PRKG1: variants seen among roughly 807,000 people sequenced by gnomAD.
PRKG1 encodes cGMP-dependent protein kinase 1.
In PRKG1, 35 loss-of-function variants were observed where a neutral mutation model predicts 88.1. The observed-to-expected ratio is 0.40, with a 90% confidence interval of 0.30 to 0.53. The LOEUF (loss-of-function observed/expected upper bound fraction) is 0.53, where lower values mean the gene tolerates loss of function less well. PRKG1 is among the 20% of genes least tolerant of loss of function. PRKG1 has a pLI of 0.59. For synonymous variants in PRKG1, 303 were observed against 292.5 expected, an observed-to-expected ratio of 1.04 and a Z score of -0.37; for missense variants, 540 against 839.8, an observed-to-expected ratio of 0.64 and a Z score of 4.41.
chr10:52,115,691 C>T (rs768569443), intron 7 of PRKG1, among the ~76,000 whole-genome samples: 12 of 152,076 alleles, frequency 7.9e-5, no homozygotes, highest in Admixed American at 3.3e-4. Context: ...ACTCTGATCA[C>T]GCTGCATTAT....
intron 9 of PRKG1, among the ~76,000 whole-genome samples, chr10:52,202,861 A>T (rs1839713150): frequency 6.6e-6 from 1 of 152,102 alleles, no homozygotes; most frequent in African/African-American, 2.4e-5. Context: ...TTGTGGAGTC[A>T]GTGGCATTGT....
Position 51,283,928 on chromosome 10 carries a change from A to C in PRKG1, c.478+130598A>C, listed in dbSNP as rs373464161. 7.9e-5 allele frequency among the ~76,000 whole-genome samples: 12 copies of C among 152,290 alleles called. No individual in the cohort carries two copies. The East Asian group carries it at 2.3e-3, about 29-fold the overall frequency. ...TCTAACTGATTTTAAGTAGTCAATA[A>C]AGAAGTGAATTCTTGCTTCTAATCA... On this transcript the variant is annotated intron_variant, in intron 2 of 17. Transcript: ENST00000373980.
intron 7 of PRKG1, among the ~76,000 whole-genome samples, chr10:52,114,893 A>G (rs1847651354): frequency 6.6e-6 from 1 of 152,064 alleles, no homozygotes; most frequent in African/African-American, 2.4e-5. Flanking sequence ...ATTGTAAAGG[A>G]AATAGGAAGC....
At chr10:52,245,459 T>A (rs949815310) in intron 9 of PRKG1, among the ~76,000 whole-genome samples, 8 of 152,138 alleles carry the variant, frequency 5.3e-5, no homozygotes, top group Non-Finnish European at 1.2e-4. Context: ...GGAACACAAG[T>A]GATGAGCTTT....
At chr10:51,465,902 G>A (rs1217800761) in intron 2 of PRKG1, among the ~76,000 whole-genome samples, 1 of 152,116 alleles carries the variant, frequency 6.6e-6, no homozygotes, top group Non-Finnish European at 1.5e-5. Context: ...CTATGTGCAG[G>A]GCACTGTGTT....
At chr10:51,094,318 GAC>G (rs1331482334) in intron 1 of PRKG1, among the ~76,000 whole-genome samples, 7 of 151,952 alleles carry the variant, frequency 4.6e-5, no homozygotes, top group African/African-American at 1.7e-4. Flanking sequence ...TAACAATTGA[GAC>G]AGAGTATTAA....
chr10:51,818,917 G>A lies in PRKG1; in HGVS notation c.698+14227G>A, dbSNP rs1839665170. ...AGCTACTTGGGAGGCTGAGGCAGGA[G>A]AATGGCGTGAACCCGGGAGGCGGAG... On this transcript the variant is annotated intron_variant, in intron 4 of 17. Transcript: ENST00000373980. Among the ~76,000 whole-genome samples the A allele has an allele frequency of 1.6e-5, 2 of 122,158 alleles. 1 individual carries two copies. The highest frequency in any genetic ancestry group is 8.5e-5 in the African/African-American group (2 of 23,468). 80.1% of individuals were successfully genotyped at this position (122,158 alleles called of 152,430 possible).
At chr10:51,771,369 C>G (rs188808547) in intron 3 of PRKG1, among the ~76,000 whole-genome samples, 34 of 152,170 alleles carry the variant, frequency 2.2e-4, no homozygotes, top group Admixed American at 5.2e-4. Flanking sequence ...AGAGTTGTAC[C>G]TGGAAGCATT....
chr10:51,068,137 C>A (rs1235857253), intron 1 of PRKG1, among the ~76,000 whole-genome samples: 1 of 152,022 alleles, frequency 6.6e-6, no homozygotes, highest in Non-Finnish European at 1.5e-5. Context: ...TATCCATTTG[C>A]TTTACTAGCC....
chr10:52,113,071 G>A (rs1277472550), intron 7 of PRKG1, among the ~76,000 whole-genome samples: 1 of 152,108 alleles, frequency 6.6e-6, no homozygotes, highest in Non-Finnish European at 1.5e-5. Context: ...AAGTGAGAAA[G>A]CATAATAGTA....
chr10:51,923,671 T>C (rs1279554838), intron 5 of PRKG1, among the ~76,000 whole-genome samples: 4 of 151,968 alleles, frequency 2.6e-5, no homozygotes, highest in Non-Finnish European at 5.9e-5. Context: ...AGAGTATTCC[T>C]GTCCCTTATA....
At chr10:52,159,106 T>C (rs555371037) in intron 8 of PRKG1, among the ~76,000 whole-genome samples, 1 of 151,708 alleles carries the variant, frequency 6.6e-6, no homozygotes, top group Admixed American at 6.6e-5. Context: ...TAGTCATTTG[T>C]AGTTAGAGTC....
chr10:51,899,502 C>T (rs1841931642), intron 4 of PRKG1, among the ~76,000 whole-genome samples: 1 of 151,154 alleles, frequency 6.6e-6, no homozygotes, highest in African/African-American at 2.4e-5. Flanking sequence ...CTCATCTCTA[C>T]TAAAAATACA....
intron 8 of PRKG1, among the ~76,000 whole-genome samples, chr10:52,159,916 T>A (rs1415034432): frequency 1.3e-5 from 2 of 151,940 alleles, no homozygotes; most frequent in African/African-American, 2.4e-5. Flanking sequence ...ATTATTTGAT[T>A]CTTCTCTTTC....
At chr10:51,160,236 T>G (rs1846325117) in intron 2 of PRKG1, among the ~76,000 whole-genome samples, 1 of 152,210 alleles carries the variant, frequency 6.6e-6, no homozygotes, top group South Asian at 2.1e-4. Flanking sequence ...TTTACTTATA[T>G]AAATCTAATA....
intron 9 of PRKG1, among the ~76,000 whole-genome samples, chr10:52,191,622 C>A (rs533061089): frequency 6.6e-6 from 1 of 152,038 alleles, no homozygotes; most frequent in Non-Finnish European, 1.5e-5. Context: ...ACTTTTTGGG[C>A]AAGAAGATTT....
chr10:51,093,860 T>C (rs1437742750), intron 1 of PRKG1, among the ~76,000 whole-genome samples: 1 of 148,986 alleles, frequency 6.7e-6, no homozygotes, highest in Non-Finnish European at 1.5e-5. Context: ...TACTACTACC[T>C]CCCTTCTCTG....
chr10:51,148,382 G>A (rs1372679838), intron 1 of PRKG1: 3 of 465,862 alleles, frequency 6.4e-6, no homozygotes, highest in Non-Finnish European at 8.4e-6. Context: ...TAGAAGATTT[G>A]TGCTACATTT....
At chr10:51,088,896 G>T (rs1844327350) in intron 1 of PRKG1, among the ~76,000 whole-genome samples, 1 of 147,676 alleles carries the variant, frequency 6.8e-6, no homozygotes, top group Admixed American at 6.9e-5. Flanking sequence ...TTAATTTACA[G>T]TTTAAACATT....
Sources: gnomAD v4.1 joint callset for allele counts (sites outside exome capture counted in the v4.1 genomes callset) on GRCh38, gnomAD v4.1.1 for gene constraint, MANE v1.5 for transcripts, NCBI Gene and HGNC (gene_info 2026-07-23, HGNC 2026-07-21) for gene names.